The following DPP4 variants were observed in gnomAD, a reference collection of about 807,000 sequenced individuals.
DPP4 encodes the protein ADCP-2.
DPP4 carries 93 observed loss-of-function variants against 122.4 expected under a neutral mutation model. The ratio of observed to expected loss-of-function variants is 0.76; its 90% CI spans 0.64 to 0.90. The LOEUF (loss-of-function observed/expected upper bound fraction) is 0.90. Among genes scored for constraint, DPP4 ranks in the 40% least tolerant of loss-of-function variants. The probability of loss-of-function intolerance (pLI) is 0.00; values close to 1 mark genes in which losing one functional copy is unlikely to be tolerated. For missense variants in DPP4, 914 were observed against 907.3 expected, an observed-to-expected ratio of 1.01 and a Z score of -0.09; for synonymous variants, 321 against 302.9, an observed-to-expected ratio of 1.06 and a Z score of -0.62.
At chr2:162,056,193 T>C (rs1034757932) in intron 2 of DPP4, among the ~76,000 whole-genome samples, 2 of 152,236 alleles carry the variant, frequency 1.3e-5, no homozygotes, top group African/African-American at 4.8e-5. Flanking sequence ...TCTAACTGAT[T>C]ATACATTTTA....
Position 162,016,864 on chromosome 2 carries a change from G to C in DPP4, c.1471C>G (p.Leu491Val). The C allele has an allele frequency of 6.2e-7, 1 of 1,609,142 alleles. No individual in the cohort carries two copies. The highest frequency in any genetic ancestry group is 8.5e-7 in the Non-Finnish European group (1 of 1,178,618). ...TLHSSVNDKG[L>V]RVLEDNSALD... The stretch of plus-strand genomic sequence containing the variant: ...GCTGAATTGTCTTCCAGGACTCTCA[G>C]CCCTAAAGAAATACAGGAGACAGCA... Residue 491 changes from leucine to valine, a missense_variant and splice_region_variant, in exon 18 of 26, where the codon CTG (leucine) becomes GTG (valine). Physicochemically the swap from Leu to Val is conservative, Grantham distance 32. Coordinates refer to ENST00000360534, the MANE Select transcript of DPP4 (RefSeq NM_001935.4).
intron 23 of DPP4, among the ~76,000 whole-genome samples, chr2:162,001,587 G>A (rs1366638759): frequency 6.6e-6 from 1 of 152,194 alleles, no homozygotes; most frequent in Non-Finnish European, 1.5e-5. Context: ...CACCTTGAAT[G>A]GGTGAATGAA....
At chr2:162,002,460 G>C (rs2909446) in intron 23 of DPP4, among the ~76,000 whole-genome samples, 295 of 152,312 alleles carry the variant, frequency 1.9e-3, no homozygotes, top group African/African-American at 6.3e-3. Flanking sequence ...CATGGACTAA[G>C]ATCAAGGCCT....
chr2:162,027,579 A>T (rs934737945), intron 10 of DPP4, among the ~76,000 whole-genome samples: 5 of 152,138 alleles, frequency 3.3e-5, no homozygotes, highest in African/African-American at 1.2e-4. Context: ...TTCCATGGGC[A>T]TAGATTAGGA....
chr2:162,060,961 T>C (rs1345871212), intron 2 of DPP4, among the ~76,000 whole-genome samples: 1 of 134,054 alleles, frequency 7.5e-6, no homozygotes, highest in African/African-American at 2.8e-5. Context: ...AGCCTCCTTC[T>C]TTCTTAGCTT....
intron 19 of DPP4, 84 bp from the exon 20 acceptor site, chr2:162,012,071 G>GAGA: frequency 7.4e-7 from 1 of 1,357,908 alleles, no homozygotes; most frequent in Non-Finnish European, 1.0e-6. Flanking sequence ...CCGTGGAGAA[G>GAGA]TATGCATCCT....
chr2:161,993,434 T>G lies in DPP4; in HGVS notation c.2200-50A>C, dbSNP rs988482155. 3.8e-6 allele frequency: 4 copies of G among 1,053,326 alleles called. No homozygotes were observed. In the African/African-American group the frequency reaches 6.6e-5, roughly 17 times the overall value. 65.2% of individuals were successfully genotyped at this position (1,053,326 alleles called of 1,614,324 possible). ...AGAATTAGGAAGTCAGTACTCTTCT[T>G]AAAAAAAAAAATACGTAAATTCAAA... On this transcript the variant is annotated intron_variant, in intron 25 of 25. Coordinates refer to ENST00000360534, the MANE Select transcript of DPP4 (RefSeq NM_001935.4).
intron 5 of DPP4, among the ~76,000 whole-genome samples, chr2:162,044,071 C>A (rs2106130792): frequency 6.6e-6 from 1 of 152,196 alleles, no homozygotes; most frequent in Non-Finnish European, 1.5e-5. Context: ...ACCCCAGAAA[C>A]CTCTGTTTAC....
In DPP4 at chr2:162,070,899, A is replaced by C. The variant is rs1163849176; in HGVS notation, c.94+2500T>G. ...GTGGTAAATAAATAAAGCCACCATG[A>C]AACAACATCTCCACCTGGTTGTCCA... On this transcript the variant is annotated intron_variant, in intron 2 of 25. Transcript: ENST00000360534. Among the ~76,000 whole-genome samples the C allele has an allele frequency of 2.6e-5, 4 of 152,210 alleles. No individual in the cohort carries two copies. The East Asian group carries it at 7.7e-4, about 29-fold the overall frequency.
chr2:162,006,521 A>G (rs997298286), intron 22 of DPP4, among the ~76,000 whole-genome samples: 1 of 152,118 alleles, frequency 6.6e-6, no homozygotes, highest in African/African-American at 2.4e-5. Context: ...TGAAGCCTCA[A>G]TTTTTGTGGT....
intron 25 of DPP4, among the ~76,000 whole-genome samples, chr2:161,994,113 A>G (rs1700933657): frequency 6.6e-6 from 1 of 152,250 alleles, no homozygotes; most frequent in African/African-American, 2.4e-5. Context: ...TTATGGAGAC[A>G]TAAGTTAACT....
intron 4 of DPP4, chr2:162,046,585 G>A (rs145465723): frequency 3.3e-5 from 14 of 423,924 alleles, no homozygotes; most frequent in Non-Finnish European, 5.5e-5. Context: ...GTGTGTATAC[G>A]AGAGTCAAGC....
intron 2 of DPP4, among the ~76,000 whole-genome samples, chr2:162,057,578 C>A (rs774735113): frequency 1.3e-5 from 2 of 152,186 alleles, no homozygotes; most frequent in African/African-American, 2.4e-5. Context: ...TTTGTAATAT[C>A]CAGAACCTGC....
intron 5 of DPP4, among the ~76,000 whole-genome samples, chr2:162,039,656 A>T (rs1683918757): frequency 6.6e-6 from 1 of 152,126 alleles, no homozygotes; most frequent in African/African-American, 2.4e-5. Context: ...GGCAAGATAT[A>T]TTAAAATTAA....
At chr2:161,998,106 G>A (rs1243803964) in intron 23 of DPP4, among the ~76,000 whole-genome samples, 1 of 152,154 alleles carries the variant, frequency 6.6e-6, no homozygotes, top group South Asian at 2.1e-4. Flanking sequence ...CACAGCCCTG[G>A]GTGATTTGGG....
chr2:162,036,960 T>C (rs1559717453), intron 8 of DPP4, among the ~76,000 whole-genome samples: 1 of 152,260 alleles, frequency 6.6e-6, no homozygotes, highest in Non-Finnish European at 1.5e-5. Flanking sequence ...TGCAATTACA[T>C]AAAATCAATA....
chr2:162,035,081 AT>A, intron 9 of DPP4, 82 bp downstream of exon 9: 1 of 1,384,812 alleles, frequency 7.2e-7, no homozygotes, highest in Non-Finnish European at 9.7e-7. Flanking sequence ...GACTGACAAT[AT>A]TTTCATTAGC....
Position 162,074,007 on chromosome 2 carries a change from G to C in DPP4, c.-26C>G, listed in dbSNP as rs776746877. 1 of 1,610,290 alleles carries C rather than the reference G, an allele frequency of 6.2e-7. No homozygotes were observed. Among genetic ancestry groups the C allele is most frequent in the Non-Finnish European group, 8.5e-7 (1 of 1,178,500 alleles). On this transcript the variant is annotated 5_prime_UTR_variant, in exon 1 of 26. Coordinates refer to ENST00000360534, the MANE Select transcript of DPP4 (RefSeq NM_001935.4). ...CGTCGGCGTCTCCTCGGAAGTGAGC[G>C]TTCAGAGAAGGAGCGCAGGCAGAAG...
chr2:161,998,819 T>C (rs888871940), intron 23 of DPP4, among the ~76,000 whole-genome samples: 1 of 152,056 alleles, frequency 6.6e-6, no homozygotes, highest in African/African-American at 2.4e-5. Flanking sequence ...TGGTGAGAAA[T>C]GCAACATACT....
Sources: allele counts gnomAD v4.1 joint callset (sites outside exome capture counted in the v4.1 genomes callset), GRCh38; gene constraint gnomAD v4.1.1; transcripts MANE v1.5; gene names NCBI Gene and HGNC (gene_info 2026-07-23, HGNC 2026-07-21).